Variants in NTNG1 observed in about 807,000 individuals in gnomAD.
The protein encoded by NTNG1 is netrin G1, also known as netrin-G1.
Under a neutral mutation model 54.0 loss-of-function variants are expected in NTNG1, and 16 were observed. That is an observed-to-expected ratio of 0.30 (90% CI 0.20 to 0.45). NTNG1 has a LOEUF of 0.45. Ranked by LOEUF, NTNG1 falls within the 20% of genes least tolerant of loss-of-function variation. The pLI, the probability that NTNG1 is intolerant of heterozygous loss-of-function variation, is 1.00. For missense variants in NTNG1, 530 were observed against 678.7 expected, an observed-to-expected ratio of 0.78 and a Z score of 2.43; for synonymous variants, 255 against 263.1, an observed-to-expected ratio of 0.97 and a Z score of 0.30.
chr1:107,279,738 A>G (rs1022152609), intron 2 of NTNG1, among the ~76,000 whole-genome samples: 1 of 152,174 alleles, frequency 6.6e-6, no homozygotes, highest in Admixed American at 6.6e-5. Flanking sequence ...TTCTGGGTAG[A>G]AAACAGTATT....
chr1:107,310,883 C>G (rs1666971429), intron 2 of NTNG1, among the ~76,000 whole-genome samples: 1 of 151,858 alleles, frequency 6.6e-6, no homozygotes, highest in South Asian at 2.1e-4. Context: ...AAAAATAAAT[C>G]CAAGACTAGC....
intron 3 of NTNG1, among the ~76,000 whole-genome samples, chr1:107,392,005 G>T (rs1672394519): frequency 6.6e-6 from 1 of 152,138 alleles, no homozygotes; most frequent in Non-Finnish European, 1.5e-5. Flanking sequence ...GCCTAACTGG[G>T]TGGAAGATGG....
chr1:107,145,809 C>T (rs1029226381), intron 1 of NTNG1, among the ~76,000 whole-genome samples: 11 of 152,044 alleles, frequency 7.2e-5, no homozygotes, highest in East Asian at 1.9e-4. Flanking sequence ...TCTCTAAATT[C>T]GATCAATGGT....
intron 3 of NTNG1, among the ~76,000 whole-genome samples, chr1:107,386,337 CTT>C (rs890441190): frequency 8.0e-5 from 12 of 150,892 alleles, no homozygotes; most frequent in African/African-American, 2.9e-4. Flanking sequence ...GCCCAGCTAA[CTT>C]TTTTTTGTAT....
intron 7 of NTNG1, among the ~76,000 whole-genome samples, chr1:107,479,856 A>C (rs1434919748): frequency 6.6e-6 from 1 of 152,206 alleles, no homozygotes; most frequent in Non-Finnish European, 1.5e-5. Context: ...GGACATAATG[A>C]AATTTTGGTA....
intron 2 of NTNG1, among the ~76,000 whole-genome samples, chr1:107,191,684 A>T (rs1467517862): frequency 1.5e-4 from 22 of 150,630 alleles, no homozygotes; most frequent in Non-Finnish European, 3.0e-4. Flanking sequence ...TTAAATAGGG[A>T]ATCCTTTCCC....
chr1:107,307,704 C>T (rs975847568), intron 2 of NTNG1, among the ~76,000 whole-genome samples: 2 of 152,182 alleles, frequency 1.3e-5, no homozygotes, highest in Admixed American at 1.3e-4. Flanking sequence ...AGTGCTAATG[C>T]TCCCATTCAT....
intron 2 of NTNG1, among the ~76,000 whole-genome samples, chr1:107,248,879 T>C (rs1421454919): frequency 6.6e-6 from 1 of 151,776 alleles, no homozygotes; most frequent in Non-Finnish European, 1.5e-5. Flanking sequence ...CCGGGGGTGG[T>C]GGCTCATGCC....
chr1:107,273,754 C>T (rs143443298), intron 2 of NTNG1, among the ~76,000 whole-genome samples: 4 of 152,174 alleles, frequency 2.6e-5, no homozygotes, highest in Non-Finnish European at 5.9e-5. Context: ...GGCCTCTTGT[C>T]GAGTACATAT....
intron 2 of NTNG1, among the ~76,000 whole-genome samples, chr1:107,300,271 G>A (rs1475976074): frequency 6.6e-6 from 1 of 152,120 alleles, no homozygotes; most frequent in African/African-American, 2.4e-5. Flanking sequence ...CACATGCCAC[G>A]TTTTCTTTAA....
intron 2 of NTNG1, among the ~76,000 whole-genome samples, chr1:107,269,901 G>A (rs572863121): frequency 1.3e-4 from 20 of 152,306 alleles, no homozygotes; most frequent in South Asian, 1.0e-3. Flanking sequence ...AGTTCTGTAC[G>A]GATGCCCTCA....
intron 7 of NTNG1, among the ~76,000 whole-genome samples, chr1:107,469,917 G>C (rs1677870905): frequency 6.6e-6 from 1 of 151,984 alleles, no homozygotes; most frequent in Admixed American, 6.6e-5. Context: ...CCCTCTACTA[G>C]AAAGGTGGTG....
chr1:107,436,944 AT>A (rs56311800), intron 7 of NTNG1, 145 bp downstream of exon 7: 459,019 of 704,850 alleles, frequency 0.65, 152,447 homozygotes, highest in Middle Eastern at 0.71. Flanking sequence ...CGGCCAATGT[AT>A]TGGGAGAGCA....
chr1:107,337,973 G>T (rs540927634), intron 3 of NTNG1, among the ~76,000 whole-genome samples: 2 of 152,106 alleles, frequency 1.3e-5, no homozygotes, highest in South Asian at 4.2e-4. Context: ...AGCTTAAGGG[G>T]CAGATATAAT....
chr1:107,252,831 T>A (rs1023855708), intron 2 of NTNG1, among the ~76,000 whole-genome samples: 6 of 152,244 alleles, frequency 3.9e-5, no homozygotes, highest in Non-Finnish European at 7.3e-5. Flanking sequence ...TATAGCTTTA[T>A]CTGATTCAAA....
intron 5 of NTNG1, among the ~76,000 whole-genome samples, chr1:107,421,518 G>A (rs1674572317): frequency 6.6e-6 from 1 of 152,036 alleles, no homozygotes; most frequent in South Asian, 2.1e-4. Context: ...AGACCAGAAA[G>A]GCAGGTTCCA....
chr1:107,375,045 G>A (rs564099095), intron 3 of NTNG1, among the ~76,000 whole-genome samples: 1 of 152,128 alleles, frequency 6.6e-6, no homozygotes, highest in Admixed American at 6.5e-5. Context: ...GTGAATACTG[G>A]GTGCTTTTCT....
chr1:107,202,628 C>T (rs12126366), intron 2 of NTNG1, among the ~76,000 whole-genome samples: 6,975 of 151,902 alleles, frequency 0.046, 163 homozygotes, highest in African/African-American at 0.054. Flanking sequence ...TTTTAGTCCA[C>T]TGTTTTATTG....
At chr1:107,353,109 C>T (rs1261155054) in intron 3 of NTNG1, among the ~76,000 whole-genome samples, 3 of 152,216 alleles carry the variant, frequency 2.0e-5, no homozygotes, top group East Asian at 3.8e-4. Flanking sequence ...AGTAAATTAA[C>T]ATTTTTCTTA....
Sources: allele counts gnomAD v4.1 joint callset (sites outside exome capture counted in the v4.1 genomes callset), GRCh38; gene constraint gnomAD v4.1.1; transcripts MANE v1.5; gene names NCBI Gene and HGNC (gene_info 2026-07-23, HGNC 2026-07-21).